The following LNP1 variants were observed in gnomAD, a reference collection of about 807,000 sequenced individuals.
LNP1 encodes leukemia NUP98 fusion partner 1.
In LNP1, 12 loss-of-function variants were observed where a neutral mutation model predicts 14.5. That is an observed-to-expected ratio of 0.83 (90% CI 0.53 to 1.34). The LOEUF (loss-of-function observed/expected upper bound fraction) is 1.34, where lower values mean the gene tolerates loss of function less well. Among genes scored for constraint, LNP1 ranks in the 40% most tolerant of loss-of-function variants. The pLI is 0.00. For synonymous variants in LNP1, 75 were observed against 71.4 expected, an observed-to-expected ratio of 1.05 and a Z score of -0.26; for missense variants, 198 against 210.9, an observed-to-expected ratio of 0.94 and a Z score of 0.38.
intron 3 of LNP1, among the ~76,000 whole-genome samples, chr3:100,453,369 C>A (rs886681806): frequency 6.6e-6 from 1 of 151,352 alleles, no homozygotes; most frequent in African/African-American, 2.4e-5. Flanking sequence ...TCGCTTGAGG[C>A]CAGGAATTTG....
chr3:100,444,701 C>T (rs377640582), intron 2 of LNP1, among the ~76,000 whole-genome samples: 78 of 152,120 alleles, frequency 5.1e-4, no homozygotes, highest in East Asian at 3.9e-4. Flanking sequence ...TTTTTTAAAA[C>T]GGTGAAATCT....
At chr3:100,452,030 A>T in intron 3 of LNP1, 81 bp downstream of exon 3, 1 of 770,890 alleles carries the variant, frequency 1.3e-6, no homozygotes, top group Non-Finnish European at 2.1e-6. Flanking sequence ...GATTGAGGGG[A>T]ACAAATGTAA....
At chr3:100,426,452 G>A (rs886691615) in intron 1 of LNP1, among the ~76,000 whole-genome samples, 3 of 152,154 alleles carry the variant, frequency 2.0e-5, no homozygotes, top group Non-Finnish European at 2.9e-5. Context: ...AGGGCCAAAC[G>A]GCTTTGTTCC....
At chr3:100,451,614 A>G (rs142653066) in intron 2 of LNP1, 105 bp from the exon 3 acceptor site, 20 of 630,346 alleles carry the variant, frequency 3.2e-5, no homozygotes, top group African/African-American at 1.8e-4. Flanking sequence ...TAATATATCA[A>G]TTCAACATGA....
At chr3:100,431,217 A>G (rs772609915) in intron 2 of LNP1, among the ~76,000 whole-genome samples, 38 of 152,230 alleles carry the variant, frequency 2.5e-4, no homozygotes, top group Non-Finnish European at 3.4e-4. Context: ...AGAAAGAAAC[A>G]TGGTTTACTA....
intron 1 of LNP1, among the ~76,000 whole-genome samples, chr3:100,411,085 G>A (rs1485692575): frequency 6.6e-6 from 1 of 152,126 alleles, no homozygotes; most frequent in Non-Finnish European, 1.5e-5. Context: ...GAGAGGGCCT[G>A]GGGGGCAGAG....
chr3:100,434,565 A>G (rs1279464208), intron 2 of LNP1, among the ~76,000 whole-genome samples: 8 of 145,768 alleles, frequency 5.5e-5, no homozygotes, highest in Admixed American at 2.1e-4. Context: ...GTCTCATTCT[A>G]TTGCCCAGGC....
chr3:100,409,998 T>TCTATCTATCTAC (rs1269011181), intron 1 of LNP1, among the ~76,000 whole-genome samples: 15 of 151,030 alleles, frequency 9.9e-5, no homozygotes, highest in African/African-American at 3.4e-4. Flanking sequence ...TATCTATCTA[T>TCTATCTATCTAC]CTACCTATTT....
intron 2 of LNP1, 36 bp downstream of exon 2, chr3:100,429,921 G>A: frequency 6.3e-7 from 1 of 1,594,494 alleles, no homozygotes; most frequent in Non-Finnish European, 8.5e-7. Flanking sequence ...GGGAGAGCTG[G>A]AATAGGGGAG....
chr3:100,450,089 CTTTTTTTT>C (rs57762414), intron 2 of LNP1, among the ~76,000 whole-genome samples: 1 of 135,176 alleles, frequency 7.4e-6, no homozygotes. Context: ...CACCATACCA[CTTTTTTTT>C]TTTTTTTTTT....
intron 1 of LNP1, among the ~76,000 whole-genome samples, chr3:100,423,667 G>T (rs980688305): frequency 1.3e-5 from 2 of 152,118 alleles, no homozygotes; most frequent in Non-Finnish European, 2.9e-5. Context: ...TTCTGTAAGA[G>T]AAGGTATTTT....
At chr3:100,435,781 G>A (rs1707288889) in intron 2 of LNP1, among the ~76,000 whole-genome samples, 1 of 152,148 alleles carries the variant, frequency 6.6e-6, no homozygotes, top group South Asian at 2.1e-4. Flanking sequence ...GTGGACACAG[G>A]AATTTTGAAC....
intron 1 of LNP1, among the ~76,000 whole-genome samples, chr3:100,414,669 A>G (rs925512126): frequency 6.6e-6 from 1 of 152,192 alleles, no homozygotes; most frequent in African/African-American, 2.4e-5. Flanking sequence ...CTGGCTGTGA[A>G]GAAGCAAACT....
At chr3:100,437,547 T>C (rs1707303842) in intron 2 of LNP1, among the ~76,000 whole-genome samples, 1 of 152,226 alleles carries the variant, frequency 6.6e-6, no homozygotes, top group South Asian at 2.1e-4. Flanking sequence ...TTACTAAGCT[T>C]ATCTTTATTA....
At chr3:100,450,848 C>T (rs1559847185) in intron 2 of LNP1, among the ~76,000 whole-genome samples, 1 of 152,124 alleles carries the variant, frequency 6.6e-6, no homozygotes, top group Non-Finnish European at 1.5e-5. Context: ...AACAGGAAAT[C>T]TTGCCTTCCT....
intron 2 of LNP1, among the ~76,000 whole-genome samples, chr3:100,446,395 A>T (rs975225928): frequency 2.6e-4 from 40 of 152,236 alleles, no homozygotes; most frequent in African/African-American, 9.4e-4. Context: ...CTGGCTAGCC[A>T]TATGTAGAAA....
At chr3:100,404,470 ATTGAT>A (rs1706944517) in intron 1 of LNP1, among the ~76,000 whole-genome samples, 1 of 152,178 alleles carries the variant, frequency 6.6e-6, no homozygotes, top group South Asian at 2.1e-4. Flanking sequence ...TCATTATTTA[ATTGAT>A]TTAAGTAGTA....
At chr3:100,431,001 C>T (rs540619681) in intron 2 of LNP1, among the ~76,000 whole-genome samples, 1 of 152,308 alleles carries the variant, frequency 6.6e-6, no homozygotes, top group East Asian at 1.9e-4. Context: ...CTCTAACCTT[C>T]CATGTTCTGT....
intron 1 of LNP1, among the ~76,000 whole-genome samples, chr3:100,425,947 A>T (rs1707188411): frequency 6.6e-6 from 1 of 152,220 alleles, no homozygotes; most frequent in African/African-American, 2.4e-5. Context: ...GAGTCAGACT[A>T]TCAATCCATC....
Sources: allele counts gnomAD v4.1 joint callset (sites outside exome capture counted in the v4.1 genomes callset), GRCh38; gene constraint gnomAD v4.1.1; transcripts MANE v1.5; gene names NCBI Gene and HGNC (gene_info 2026-07-23, HGNC 2026-07-21).